NECTIN4: variants seen among roughly 807,000 people sequenced by gnomAD.
NECTIN4 encodes the protein nectin-4.
Under a neutral mutation model 51.7 loss-of-function variants are expected in NECTIN4, and 19 were observed. That is an observed-to-expected ratio of 0.37 (90% CI 0.26 to 0.54). NECTIN4 has a LOEUF of 0.54. NECTIN4 is among the 20% of genes least tolerant of loss of function. The probability of loss-of-function intolerance (pLI) is 0.86; values close to 1 mark genes in which losing one functional copy is unlikely to be tolerated. For synonymous variants in NECTIN4, 283 were observed against 286.9 expected (o/e 0.99, Z 0.14); for missense variants, 619 against 662.4 (o/e 0.93, Z 0.72).
At chr1:161,073,412 C>A in intron 7 of NECTIN4, 113 bp from the exon 8 acceptor site, 1 of 858,996 alleles carries the variant, frequency 1.2e-6, no homozygotes, top group Non-Finnish European at 1.9e-6. Context: ...CCCAACCCAA[C>A]AGGTCCATTC....
chr1:161,077,769 ACAGGTCTACACAATCCCTGT>A (rs1653487404), intron 2 of NECTIN4, 26 bp from the exon 3 acceptor site: 2 of 1,591,654 alleles, frequency 1.3e-6, no homozygotes, highest in Non-Finnish European at 1.7e-6. Context: ...GGCAGGGGTC[ACAGGTCTACACAATCCCTGT>A]CAGGAGGCCC....
At chr1:161,088,338 C>T (rs1160807222) in intron 1 of NECTIN4, among the ~76,000 whole-genome samples, 4 of 152,056 alleles carry the variant, frequency 2.6e-5, no homozygotes, top group Non-Finnish European at 5.9e-5. Flanking sequence ...TTACTCATTA[C>T]CCTAGGAACA....
chr1:161,082,306 C>A (rs1459725353), intron 1 of NECTIN4, among the ~76,000 whole-genome samples: 1 of 151,860 alleles, frequency 6.6e-6, no homozygotes, highest in Non-Finnish European at 1.5e-5. Flanking sequence ...CCAGCTTGGG[C>A]AACAAAGCAA....
intron 1 of NECTIN4, chr1:161,086,849 C>A (rs1653971753): frequency 6.6e-6 from 1 of 152,506 alleles, no homozygotes; most frequent in South Asian, 2.1e-4. Flanking sequence ...GAAAGGTACT[C>A]TGGTACCCTC....
chr1:161,076,582 G>T, intron 3 of NECTIN4, 107 bp from the exon 4 acceptor site: 1 of 1,465,758 alleles, frequency 6.8e-7, no homozygotes, highest in Non-Finnish European at 9.4e-7. Flanking sequence ...CCCTCCCCTT[G>T]CCCTTCTCCA....
Position 161,072,395 on chromosome 1 carries a change from C to A in NECTIN4, c.*266G>T. 1.8e-6 allele frequency: 1 copy of A among 560,778 alleles called. No individual in the cohort carries two copies. 34.7% of individuals were successfully genotyped at this position (560,778 alleles called of 1,614,324 possible). ...ACGGACACAGTCACCCCTCCACGGA[C>A]AGTCACCCCTCCACACACACACAGT... On this transcript the variant is annotated 3_prime_UTR_variant, in exon 9 of 9. Transcript: ENST00000368012.
At chr1:161,073,894 G>A (rs1653297839) in intron 6 of NECTIN4, 99 bp from the exon 7 acceptor site, 1 of 1,107,536 alleles carries the variant, frequency 9.0e-7, no homozygotes, top group Non-Finnish European at 1.4e-6. Flanking sequence ...CGGAGGGTGT[G>A]GGTGCCGTGC....
At chr1:161,086,817 A>C (rs1367514207) in intron 1 of NECTIN4, 1 of 152,366 alleles carries the variant, frequency 6.6e-6, no homozygotes, top group Non-Finnish European at 1.5e-5. Context: ...GTGAATTTGC[A>C]GTAGGGCCAG....
At chr1:161,080,078 G>A (rs987345211) in intron 1 of NECTIN4, 129 bp from the exon 2 acceptor site, 2 of 1,110,994 alleles carry the variant, frequency 1.8e-6, no homozygotes, top group Non-Finnish European at 2.5e-6. Flanking sequence ...AGCACATTCA[G>A]TTCATTACCT....
rs757279101 is a variant in NECTIN4 at position 161,072,728 on chromosome 1, T to G, written c.1466A>C (p.Asn489Thr). 9.9e-6 allele frequency: 16 copies of G among 1,614,120 alleles called. No homozygotes were observed. The highest frequency in any genetic ancestry group is 1.4e-5 in the Non-Finnish European group (16 of 1,180,054). ...CGTGGGCTTGGCCCGTAGGGTCCCA[T>G]TCTCCTGAACAAAATGGTTCATGGC... ...KQAMNHFVQE[N>T]GTLRAKPTGN... Residue 489 changes from asparagine to threonine, a missense_variant, in exon 9 of 9, where the codon AAT (asparagine) becomes ACT (threonine). Asn to Thr is a moderately conservative substitution (Grantham distance 65). Coordinates refer to ENST00000368012, the MANE Select transcript of NECTIN4 (RefSeq NM_030916.3).
chr1:161,085,642 G>A (rs541869004), intron 1 of NECTIN4, among the ~76,000 whole-genome samples: 181 of 151,992 alleles, frequency 1.2e-3, no homozygotes, highest in Non-Finnish European at 2.1e-3. Flanking sequence ...CCTTCTCCAC[G>A]GCCTTCCTTT....
chr1:161,089,136 G>T lies in NECTIN4; in HGVS notation c.79+82C>A. The T allele has an allele frequency of 8.4e-7, 1 of 1,185,310 alleles. No homozygotes were observed. Among genetic ancestry groups the T allele is most frequent in the Non-Finnish European group, 1.3e-6 (1 of 792,592 alleles). 73.4% of individuals were successfully genotyped at this position (1,185,310 alleles called of 1,614,324 possible). A position where few individuals can be genotyped will look rare whatever the true frequency, so the allele number is the denominator to read the frequency against. On this transcript the variant is annotated intron_variant, in intron 1 of 8. Coordinates refer to ENST00000368012, the MANE Select transcript of NECTIN4 (RefSeq NM_030916.3). This position sits in a 1 kb window ranked among gnomAD's most constrained non-coding sequence, Gnocchi z 4.1. ...AAGGAGGATATGTGTGTGCGTGCGT[G>T]TGTGTCTATGTGTTTGTGCATGTGT...
intron 1 of NECTIN4, 87 bp from the exon 2 acceptor site, chr1:161,080,036 G>A (rs1653608396): frequency 5.4e-6 from 8 of 1,471,660 alleles, no homozygotes; most frequent in Non-Finnish European, 7.3e-6. Flanking sequence ...CAGCAAAGGT[G>A]ACCGGAACTC....
In NECTIN4 at chr1:161,071,736, T is replaced by C. The variant is rs1188258273; in HGVS notation, c.*925A>G. 6.6e-6 allele frequency: 1 copy of C among 151,836 alleles called. No homozygotes were observed. The highest frequency in any genetic ancestry group is 1.5e-5 in the Non-Finnish European group (1 of 67,998). The allele number at this position is 151,836 out of a possible 1,614,324, so 9.4% of individuals were successfully genotyped here. On this transcript the variant is annotated 3_prime_UTR_variant, in exon 9 of 9. Coordinates refer to ENST00000368012, the MANE Select transcript of NECTIN4 (RefSeq NM_030916.3). ...CGTAAAGGATTCAAAGCAGGCACAG[T>C]GGTGTACACTTAAAGTCCCAGCTAC...
intron 1 of NECTIN4, chr1:161,087,087 C>G (rs543367302): frequency 6.6e-6 from 1 of 152,342 alleles, no homozygotes; most frequent in South Asian, 2.1e-4. Flanking sequence ...GAAACGGGAT[C>G]TGGACCAAGA....
At position 161,079,579 on chromosome 1, in the gene NECTIN4, TC is replaced by T. The variant is rs1338713139; in HGVS notation, c.439+10del. ...CAGCGGCTCAGACCGTACCCAGAGATCCCCGCTTACCCAGCACTCGGAGCCG... is the reference window on the plus strand; with the variant it reads ...CAGCGGCTCAGACCGTACCCAGAGATCCCGCTTACCCAGCACTCGGAGCCG... On this transcript the variant is annotated intron_variant, in intron 2 of 8. Coordinates refer to ENST00000368012, the MANE Select transcript of NECTIN4 (RefSeq NM_030916.3). 1.2e-6 allele frequency: 2 copies of T among 1,602,080 alleles called. No homozygotes were observed. Among genetic ancestry groups the T allele is most frequent in the Non-Finnish European group, 1.7e-6 (2 of 1,179,260 alleles).
At position 161,073,299 on chromosome 1, in the gene NECTIN4, G is replaced by A; in HGVS notation, c.1234C>T (p.Pro412Ser). 1 of 1,613,870 alleles carries A rather than the reference G, an allele frequency of 6.2e-7. No individual in the cohort carries two copies. ...HSHHTDPRSQ[P>S]EESVGLRAEG... ...GCTCTCAGCCCTACACTCTCCTCCG[G>A]CTGCAGGGCCCAGACACGGGGCAGT... is the stretch of plus-strand genomic sequence containing the variant. Residue 412 changes from proline (P) to serine (S), a missense_variant and splice_region_variant, in exon 8 of 9, where the codon CCG (proline) becomes TCG (serine). Coordinates refer to ENST00000368012, the MANE Select transcript of NECTIN4 (RefSeq NM_030916.3).
At chr1:161,086,144 C>T (rs1251502485) in intron 1 of NECTIN4, among the ~76,000 whole-genome samples, 2 of 152,228 alleles carry the variant, frequency 1.3e-5, no homozygotes, top group African/African-American at 4.8e-5. Flanking sequence ...CAATCATTCT[C>T]TCCTCACTGG....
chr1:161,079,850 T>C lies in NECTIN4; in HGVS notation c.179A>G (p.Glu60Gly), dbSNP rs1360900363. The C allele has an allele frequency of 6.2e-7, 1 of 1,613,906 alleles. No individual in the cohort carries two copies. ...AGCCCATGCCACTTGCCCCACTTGC[T>C]CGCCGGAGTCCCCTCGGTAGAAGCA... is the stretch of plus-strand genomic sequence containing the variant. ...LPCFYRGDSG[E>G]QVGQVAWARV... Residue 60 changes from glutamate to glycine, a missense_variant, in exon 2 of 9, where the codon GAG becomes GGG. Physicochemically the swap from Glu to Gly is moderately conservative, Grantham distance 98. Coordinates refer to ENST00000368012, the MANE Select transcript of NECTIN4 (RefSeq NM_030916.3).
Sources: allele counts gnomAD v4.1 joint callset (sites outside exome capture counted in the v4.1 genomes callset), GRCh38; gene constraint gnomAD v4.1.1; non-coding constraint Gnocchi (gnomAD v3.1); transcripts MANE v1.5; gene names NCBI Gene and HGNC (gene_info 2026-07-23, HGNC 2026-07-21).